POLA1: variants seen among roughly 807,000 people sequenced by gnomAD.
The protein encoded by POLA1 is DNA polymerase alpha catalytic subunit.
In POLA1, 15 loss-of-function variants were observed where a neutral mutation model predicts 124.0. The ratio of observed to expected loss-of-function variants is 0.12; its 90% CI spans 0.08 to 0.19. POLA1 has a LOEUF of 0.19. Ranked by LOEUF, POLA1 falls within the 10% of genes least tolerant of loss-of-function variation. POLA1 has a pLI of 1.00. For missense variants in POLA1, 886 were observed against 1,103.4 expected, an observed-to-expected ratio of 0.80 and a Z score of 2.79; for synonymous variants, 408 against 389.4, an observed-to-expected ratio of 1.05 and a Z score of -0.56.
chrX:24,696,725 G>A (rs1928035835), intron 1 of POLA1, among the ~76,000 whole-genome samples: 1 of 111,527 alleles, frequency 9.0e-6, no homozygotes, highest in Non-Finnish European at 1.9e-5. Flanking sequence ...CAAGACACCT[G>A]TCTGCTGCTT....
At chrX:24,972,018 G>T (rs1455011966) in intron 36 of POLA1, among the ~76,000 whole-genome samples, 3 of 105,024 alleles carry the variant, frequency 2.9e-5, no homozygotes, top group African/African-American at 1.1e-4. Context: ...ACCCAGGCTG[G>T]AGTGCAATGG....
At chrX:24,888,600 G>GTTTTTTTTTTTTTT in intron 35 of POLA1, among the ~76,000 whole-genome samples, 1 of 49,150 alleles carries the variant, frequency 2.0e-5, no homozygotes, top group South Asian at 1.5e-3. Context: ...TTGTTTGCTT[G>GTTTTTTTTTTTTTT]TTTTTTTTTT....
intron 5 of POLA1, 91 bp from the exon 6 acceptor site, chrX:24,715,050 T>A: frequency 1.6e-6 from 1 of 621,538 alleles, no homozygotes. Flanking sequence ...ACTAACTGGC[T>A]AGGTCCTTCC....
intron 35 of POLA1, among the ~76,000 whole-genome samples, chrX:24,915,379 C>G (rs1252409942): frequency 8.9e-6 from 1 of 112,091 alleles, no homozygotes; most frequent in Non-Finnish European, 1.9e-5. Flanking sequence ...GCATAAATCT[C>G]TAGTTCCTAA....
intron 10 of POLA1, among the ~76,000 whole-genome samples, chrX:24,722,359 A>G (rs1450260389): frequency 8.9e-6 from 1 of 112,219 alleles, no homozygotes; most frequent in Non-Finnish European, 1.9e-5. Context: ...GTGTGGTTTT[A>G]CTTTATGGTA....
At chrX:24,777,607 A>G (rs774801260) in intron 26 of POLA1, among the ~76,000 whole-genome samples, 39 of 112,646 alleles carry the variant, frequency 3.5e-4, no homozygotes, top group African/African-American at 1.2e-3. Context: ...GCACTACGCA[A>G]TTCACTGCCA....
At chrX:24,886,019 A>G (rs772851631) in intron 34 of POLA1, among the ~76,000 whole-genome samples, 2 of 112,297 alleles carry the variant, frequency 1.8e-5, no homozygotes, top group South Asian at 7.5e-4. Flanking sequence ...CCTCAAAATT[A>G]AACAGCTGCC....
At chrX:24,815,841 A>G (rs1036307485) in intron 30 of POLA1, among the ~76,000 whole-genome samples, 2 of 111,854 alleles carry the variant, frequency 1.8e-5, no homozygotes, top group Non-Finnish European at 3.8e-5. Flanking sequence ...CATTCATAGT[A>G]CTCTGTGCTA....
chrX:24,949,061 CTT>C (rs1442815372), intron 36 of POLA1, among the ~76,000 whole-genome samples: 1 of 111,589 alleles, frequency 9.0e-6, no homozygotes, highest in Non-Finnish European at 1.9e-5. Context: ...TACTGTGACT[CTT>C]ATTTATATTT....
intron 10 of POLA1, among the ~76,000 whole-genome samples, chrX:24,720,569 G>C (rs193288839): frequency 2.1e-4 from 23 of 111,738 alleles, no homozygotes; most frequent in Non-Finnish European, 3.6e-4. Context: ...ATGAGAATGC[G>C]TAACACAAAA....
At position 24,843,680 on chromosome X, in the gene POLA1, A is replaced by G. The variant is rs747677647; in HGVS notation, c.4047+3A>G. On this transcript the variant is annotated splice_donor_region_variant and intron_variant, in intron 34 of 36. Coordinates refer to ENST00000379068, the MANE Select transcript of POLA1 (RefSeq NM_001330360.2). ...GTTTCATTAAAAAGTACTATGATGT[A>G]AGTATCCATAATGATATTCTTACAT... The G allele has an allele frequency of 3.5e-6, 4 of 1,133,351 alleles. No individual in the cohort carries two copies. Among genetic ancestry groups the G allele is most frequent in the South Asian group, 2.0e-5 (1 of 48,861 alleles). 93.4% of individuals were successfully genotyped at this position (1,133,351 alleles called of 1,213,427 possible). A position where few individuals can be genotyped will look rare whatever the true frequency, so the allele number is the denominator to read the frequency against.
chrX:24,907,368 A>G (rs2047384393), intron 35 of POLA1, among the ~76,000 whole-genome samples: 1 of 111,347 alleles, frequency 9.0e-6, no homozygotes. Flanking sequence ...AATATTTGAA[A>G]CGTCCTGAGT....
chrX:24,988,058 C>T (rs975074738), intron 36 of POLA1, among the ~76,000 whole-genome samples: 1 of 112,588 alleles, frequency 8.9e-6, no homozygotes, highest in African/African-American at 3.2e-5. Flanking sequence ...TAAGAAGCAA[C>T]CAAGCCATGG....
chrX:24,884,295 C>T (rs1264544376), intron 34 of POLA1, among the ~76,000 whole-genome samples: 3 of 110,843 alleles, frequency 2.7e-5, no homozygotes, highest in African/African-American at 6.6e-5. Flanking sequence ...ACCGTAGGTG[C>T]GTGCCACCAC....
At chrX:24,748,814 A>G in intron 25 of POLA1, 56 bp from the exon 26 acceptor site, 3 of 1,157,009 alleles carry the variant, frequency 2.6e-6, no homozygotes, top group Non-Finnish European at 3.5e-6. Context: ...CATCTAATGT[A>G]ATGCTTAACC....
At chrX:24,813,282 T>G (rs1490574411) in intron 29 of POLA1, among the ~76,000 whole-genome samples, 1 of 111,317 alleles carries the variant, frequency 9.0e-6, no homozygotes, top group Non-Finnish European at 1.9e-5. Flanking sequence ...TTTTATGGCT[T>G]AAAATGTTCT....
intron 36 of POLA1, among the ~76,000 whole-genome samples, chrX:24,936,969 TTG>T (rs1384987840): frequency 5.3e-5 from 6 of 112,342 alleles, no homozygotes; most frequent in African/African-American, 1.9e-4. Flanking sequence ...TTTTTTATAT[TTG>T]TGCAATTTTC....
At chrX:24,804,068 A>G (rs1401300603) in intron 26 of POLA1, among the ~76,000 whole-genome samples, 1 of 109,630 alleles carries the variant, frequency 9.1e-6, no homozygotes, top group Admixed American at 9.8e-5. Context: ...TCACCCCAAT[A>G]TTAGAGAAAA....
chrX:24,735,105 A>G (rs1258437945), intron 17 of POLA1, among the ~76,000 whole-genome samples: 1 of 111,942 alleles, frequency 8.9e-6, no homozygotes, highest in African/African-American at 3.3e-5. Flanking sequence ...TATGCTCTAA[A>G]TGTGTCCAGA....
Sources: gnomAD v4.1 joint callset for allele counts (sites outside exome capture counted in the v4.1 genomes callset) on GRCh38, gnomAD v4.1.1 for gene constraint, MANE v1.5 for transcripts, NCBI Gene and HGNC (gene_info 2026-07-23, HGNC 2026-07-21) for gene names.